Variants in PLCB4 observed in about 807,000 individuals in gnomAD.
PLCB4 encodes the protein phospholipase C beta 4, also known as 1-phosphatidylinositol 4,5-bisphosphate phosphodiesterase beta-4.
PLCB4 carries 77 observed loss-of-function variants against 178.8 expected under a neutral mutation model. The observed-to-expected ratio is 0.43, with a 90% CI of 0.36 to 0.52. The LOEUF (loss-of-function observed/expected upper bound fraction) is 0.52, where lower values mean the gene tolerates loss of function less well. Among genes scored for constraint, PLCB4 ranks in the 20% least tolerant of loss-of-function variants. The probability of loss-of-function intolerance (pLI) is 0.00; values close to 1 mark genes in which losing one functional copy is unlikely to be tolerated. For synonymous variants in PLCB4, 496 were observed against 490.8 expected, an observed-to-expected ratio of 1.01 and a Z score of -0.14; for missense variants, 1,024 against 1,453.4, an observed-to-expected ratio of 0.70 and a Z score of 4.80.
intron 2 of PLCB4, among the ~76,000 whole-genome samples, chr20:9,162,566 G>T (rs2092905983): frequency 6.6e-6 from 1 of 152,012 alleles, no homozygotes; most frequent in Non-Finnish European, 1.5e-5. Context: ...TGGAAAGGAT[G>T]GTATTTGCTC....
chr20:9,444,432 A>G (rs1040867114), intron 32 of PLCB4, among the ~76,000 whole-genome samples, 189 bp downstream of exon 32: 7 of 152,212 alleles, frequency 4.6e-5, no homozygotes, highest in Non-Finnish European at 8.8e-5. Flanking sequence ...ATTTCTAACA[A>G]TTCTTTCAAA....
chr20:9,385,897 G>A (rs1377679243), intron 14 of PLCB4, among the ~76,000 whole-genome samples: 1 of 152,226 alleles, frequency 6.6e-6, no homozygotes, highest in Non-Finnish European at 1.5e-5. Context: ...GGGAGGCCAA[G>A]GCAGGCGGCT....
chr20:9,247,895 C>G (rs2094141491), intron 3 of PLCB4, among the ~76,000 whole-genome samples: 1 of 152,042 alleles, frequency 6.6e-6, no homozygotes, highest in Admixed American at 6.6e-5. Flanking sequence ...AGAAATTATA[C>G]AAAAATATTT....
chr20:9,259,221 A>T (rs2094271452), intron 3 of PLCB4, among the ~76,000 whole-genome samples: 1 of 152,174 alleles, frequency 6.6e-6, no homozygotes, highest in Non-Finnish European at 1.5e-5. Context: ...ATGTTTTTTG[A>T]GCAGCACAAC....
chr20:9,189,752 GT>G (rs1183710380), intron 2 of PLCB4, among the ~76,000 whole-genome samples: 4 of 152,142 alleles, frequency 2.6e-5, no homozygotes, highest in African/African-American at 9.7e-5. Flanking sequence ...ATGATGCCTT[GT>G]TGCTCCATCT....
At chr20:9,191,647 G>A (rs1164868340) in intron 2 of PLCB4, among the ~76,000 whole-genome samples, 1 of 152,066 alleles carries the variant, frequency 6.6e-6, no homozygotes, top group African/African-American at 2.4e-5. Flanking sequence ...AGTCCTACCA[G>A]TTATATGGCA....
intron 1 of PLCB4, among the ~76,000 whole-genome samples, chr20:9,088,774 C>T (rs6118482): frequency 0.2 from 31,083 of 152,004 alleles, 4,370 homozygotes; most frequent in East Asian, 0.65. Flanking sequence ...TATATAAAAC[C>T]TGAAACTGGA....
At chr20:9,391,230 A>C (rs2038115422) in intron 17 of PLCB4, among the ~76,000 whole-genome samples, 1 of 152,226 alleles carries the variant, frequency 6.6e-6, no homozygotes, top group Non-Finnish European at 1.5e-5. Context: ...TGTGCTCCAT[A>C]GATAGGCTTT....
intron 3 of PLCB4, among the ~76,000 whole-genome samples, chr20:9,302,866 A>T (rs868576960): frequency 0.014 from 2,148 of 149,426 alleles, 48 homozygotes; most frequent in African/African-American, 0.05. Context: ...TTTTTTTTTT[A>T]TTTTTATTTT....
intron 2 of PLCB4, among the ~76,000 whole-genome samples, chr20:9,161,452 A>T (rs1006899530): frequency 6.6e-6 from 1 of 152,214 alleles, no homozygotes; most frequent in Non-Finnish European, 1.5e-5. Context: ...TCTGATGCCA[A>T]CCCAGGTTTG....
At chr20:9,463,243 C>CCTTATAAGAG (rs1302373457) in intron 35 of PLCB4, among the ~76,000 whole-genome samples, 1 of 152,088 alleles carries the variant, frequency 6.6e-6, no homozygotes, top group Non-Finnish European at 1.5e-5. Context: ...GCCAGGCCTG[C>CCTTATAAGAG]CTTATAAGAG....
chr20:9,431,673 TG>T (rs2041420971), intron 28 of PLCB4, among the ~76,000 whole-genome samples: 1 of 151,720 alleles, frequency 6.6e-6, no homozygotes, highest in Non-Finnish European at 1.5e-5. Flanking sequence ...TGTGTGTGTG[TG>T]TGTGTGTGTA....
intron 1 of PLCB4, among the ~76,000 whole-genome samples, 151 bp downstream of exon 1, chr20:9,069,357 C>A (rs2089447398): frequency 6.6e-6 from 1 of 151,962 alleles, no homozygotes; most frequent in Non-Finnish European, 1.5e-5. Context: ...GGGTGCCAGG[C>A]GCCCTGTGCG....
intron 6 of PLCB4, among the ~76,000 whole-genome samples, chr20:9,338,549 T>C (rs1471174321): frequency 6.6e-6 from 1 of 151,776 alleles, no homozygotes; most frequent in Non-Finnish European, 1.5e-5. Context: ...TGTTAGCATG[T>C]GCCTGTAGTC....
intron 28 of PLCB4, among the ~76,000 whole-genome samples, chr20:9,427,743 G>A (rs2041124833): frequency 6.6e-6 from 1 of 152,186 alleles, no homozygotes. Context: ...GTTGCTTTGG[G>A]TGGGTTTTAT....
intron 35 of PLCB4, among the ~76,000 whole-genome samples, chr20:9,460,414 G>A (rs1207456618): frequency 6.6e-6 from 1 of 152,212 alleles, no homozygotes; most frequent in African/African-American, 2.4e-5. Flanking sequence ...ATAGCTACCT[G>A]TGGAGAGAGT....
chr20:9,426,048 C>T (rs1267980938), intron 28 of PLCB4, among the ~76,000 whole-genome samples: 1 of 151,992 alleles, frequency 6.6e-6, no homozygotes, highest in East Asian at 1.9e-4. Flanking sequence ...TTGATATTCC[C>T]TCTTCATTCC....
At chr20:9,111,784 G>A (rs1374769705) in intron 2 of PLCB4, among the ~76,000 whole-genome samples, 1 of 152,136 alleles carries the variant, frequency 6.6e-6, no homozygotes, top group African/African-American at 2.4e-5. Flanking sequence ...TCTTTGAGAC[G>A]AATGGCCTGC....
intron 36 of PLCB4, among the ~76,000 whole-genome samples, chr20:9,470,115 G>T (rs1038356033): frequency 1.3e-5 from 2 of 152,130 alleles, no homozygotes; most frequent in Non-Finnish European, 2.9e-5. Flanking sequence ...GATTACCTGA[G>T]GTCAGGAGTT....
Sources: allele counts gnomAD v4.1 joint callset (sites outside exome capture counted in the v4.1 genomes callset), GRCh38; gene constraint gnomAD v4.1.1; transcripts MANE v1.5; gene names NCBI Gene and HGNC (gene_info 2026-07-23, HGNC 2026-07-21).